Variants in ZPR1 observed in about 807,000 individuals in gnomAD.
ZPR1 encodes zinc finger protein ZPR1.
A neutral mutation model predicts 59.6 loss-of-function variants in ZPR1; 37 were observed. The ratio of observed to expected loss-of-function variants is 0.62; its 90% CI spans 0.48 to 0.82. ZPR1 has a LOEUF of 0.82. Among genes scored for constraint, ZPR1 ranks in the 40% least tolerant of loss-of-function variants. The pLI, the probability that ZPR1 is intolerant of heterozygous loss-of-function variation, is 0.00. For synonymous variants in ZPR1, 191 were observed against 215.2 expected (o/e 0.89, Z 0.99); for missense variants, 527 against 579.9 (o/e 0.91, Z 0.94).
intron 1 of ZPR1, 64 bp downstream of exon 1, chr11:116,787,756 A>T (rs900810712): frequency 2.8e-4 from 431 of 1,520,964 alleles, no homozygotes; most frequent in Non-Finnish European, 3.6e-4. Flanking sequence ...GCTGGGTCTG[A>T]CCCCCGGCTC....
chr11:116,775,627 C>CAAAAAAAAAAAAAAAAAAAAAA lies in ZPR1; in HGVS notation c.*3276_*3297dup, dbSNP rs36148817. The CAAAAAAAAAAAAAAAAAAAAAA allele has an allele frequency of 1.4e-5, 1 of 72,916 alleles. No individual in the cohort carries two copies. The highest frequency in any genetic ancestry group is 2.3e-4 in the Admixed American group (1 of 4,402). The allele number at this position is 72,916 out of a possible 1,614,324, so 4.5% of individuals were successfully genotyped here. On this transcript the variant is annotated 3_prime_UTR_variant, in exon 14 of 14. Transcript: ENST00000227322. ...TGGGCAACAGAGTGAGACTCCGTCT[C>CAAAAAAAAAAAAAAAAAAAAAA]AAAAAAAAAAAAAAAAAAAAAAAAA...
chr11:116,783,883 CT>C (rs1940847825), intron 9 of ZPR1, among the ~76,000 whole-genome samples: 1 of 142,494 alleles, frequency 7.0e-6, no homozygotes, highest in Admixed American at 6.9e-5. Flanking sequence ...AAAAAAAAGA[CT>C]TTTGGGGTTG....
Position 116,774,309 on chromosome 11 carries a change from G to C in ZPR1, c.*4616C>G. On this transcript the variant is annotated 3_prime_UTR_variant, in exon 14 of 14. Transcript: ENST00000227322. ...GCTATAGTCAACATGTTGTACATTA[G>C]ATTCCCAGAACTTGTCTTAAAACTG... 1 of 152,076 alleles carries C rather than the reference G, an allele frequency of 6.6e-6. No homozygotes were observed. The highest frequency in any genetic ancestry group is 1.9e-4 in the East Asian group (1 of 5,192). The allele number at this position is 152,076 out of a possible 1,614,324, so 9.4% of individuals were successfully genotyped here. A position where few individuals can be genotyped will look rare whatever the true frequency, so the allele number is the denominator to read the frequency against.
intron 12 of ZPR1, among the ~76,000 whole-genome samples, 186 bp from the exon 13 acceptor site, chr11:116,780,023 A>G (rs865899735): frequency 3.9e-5 from 6 of 151,948 alleles, no homozygotes; most frequent in Non-Finnish European, 8.8e-5. Context: ...GTGCACATGT[A>G]CCCTAGAACT....
Position 116,782,155 on chromosome 11 carries a change from T to C in ZPR1, c.1179+3A>G. Reference sequence around the variant, plus strand: ...AAGTACTGACTGGCCAGTGACCTCTTACCTGGTCCATCTTCTGGCTAAACT... The same window carrying C: ...AAGTACTGACTGGCCAGTGACCTCTCACCTGGTCCATCTTCTGGCTAAACT... On this transcript the variant is annotated splice_donor_region_variant and intron_variant, in intron 12 of 13. Coordinates refer to ENST00000227322, the MANE Select transcript of ZPR1 (RefSeq NM_003904.5). 1 of 1,613,754 alleles carries C rather than the reference T, an allele frequency of 6.2e-7. No individual in the cohort carries two copies.
rs1209203285 is a variant in ZPR1, at chr11:116,776,056, C to G, written c.*2869G>C. 2 of 152,268 alleles carry G rather than the reference C, an allele frequency of 1.3e-5. No homozygotes were observed. The highest frequency in any genetic ancestry group is 2.9e-5 in the Non-Finnish European group (2 of 68,052). 9.4% of individuals were successfully genotyped at this position (152,268 alleles called of 1,614,324 possible). A position where few individuals can be genotyped will look rare whatever the true frequency, so the allele number is the denominator to read the frequency against. ...TAAAGTTTTCAGTTGGCCAAGTCAA[C>G]TGCCCTTCATACTTGCTCCCAACAC... On this transcript the variant is annotated 3_prime_UTR_variant, in exon 14 of 14. Transcript: ENST00000227322.
At chr11:116,787,792 G>T in intron 1 of ZPR1, 28 bp downstream of exon 1, 1 of 1,535,794 alleles carries the variant, frequency 6.5e-7, no homozygotes. Context: ...CTACCCACCC[G>T]CCGCTCGCGG....
rs1940732456 is a variant in ZPR1, at chr11:116,777,013, C to G, written c.*1912G>C. 1 of 152,222 alleles carries G rather than the reference C, an allele frequency of 6.6e-6. No homozygotes were observed. Among genetic ancestry groups the G allele is most frequent in the Non-Finnish European group, 1.5e-5 (1 of 68,036 alleles). The allele number at this position is 152,222 out of a possible 1,614,324, so 9.4% of individuals were successfully genotyped here. A position where few individuals can be genotyped will look rare whatever the true frequency, so the allele number is the denominator to read the frequency against. ...TCTCCAAACACCTTACTCTCGCCCT[C>G]ACTTACAGAAATTAGAGATACAGGT... On this transcript the variant is annotated 3_prime_UTR_variant, in exon 14 of 14. Coordinates refer to ENST00000227322, the MANE Select transcript of ZPR1 (RefSeq NM_003904.5).
In ZPR1 at chr11:116,777,663, CA is replaced by C. The variant is rs10557251; in HGVS notation, c.*1261del. 50,348 of 130,668 alleles carry C rather than the reference CA, an allele frequency of 0.39. 9,527 individuals are homozygous for C. The highest frequency in any genetic ancestry group is 0.47 in the Non-Finnish European group (28,873 of 60,844). The allele number at this position is 130,668 out of a possible 1,614,324, so 8.1% of individuals were successfully genotyped here. ...CAACAGCGCGAGACTCTGTCTCTAC[CA>C]AAAAAAAAAAAAAAAAAAGTTTGCA... is the stretch of plus-strand genomic sequence containing the variant. On this transcript the variant is annotated 3_prime_UTR_variant, in exon 14 of 14. Coordinates refer to ENST00000227322, the MANE Select transcript of ZPR1 (RefSeq NM_003904.5).
In ZPR1 at chr11:116,779,848, G is replaced by C. The variant is rs775421796; in HGVS notation, c.1180-11C>G. 1.1e-5 allele frequency: 17 copies of C among 1,486,550 alleles called. No homozygotes were observed. Among genetic ancestry groups the C allele is most frequent in the Middle Eastern group, 3.6e-4 (2 of 5,520 alleles). The allele number at this position is 1,486,550 out of a possible 1,614,324, so 92.1% of individuals were successfully genotyped here. On this transcript the variant is annotated splice_polypyrimidine_tract_variant and intron_variant, in intron 12 of 13. Transcript: ENST00000227322. ...GTTACCTTCGATGATCTAAAGGAGA[G>C]AGAGAACACAGCAAGTAAATTTTAC...
chr11:116,787,985 C>A lies in ZPR1; in HGVS notation c.6G>T (p.Ala2=), dbSNP rs756497775. ...GCCCTGGTTCCACAGCCCCGCTGGC[C>A]GCCATGGCCACCACGCGCAATTCAG... The part of the protein sequence containing the change: M[A]ASGAVEPGPP... The change falls in exon 1 of 14, where the codon GCG becomes GCT. Residue 2 remains alanine (A), a synonymous_variant. Coordinates refer to ENST00000227322, the MANE Select transcript of ZPR1 (RefSeq NM_003904.5). 7.0e-7 allele frequency: 1 copy of A among 1,426,054 alleles called. No individual in the cohort carries two copies. The highest frequency in any genetic ancestry group is 1.5e-5 in the South Asian group (1 of 66,348). The allele number at this position is 1,426,054 out of a possible 1,614,324, so 88.3% of individuals were successfully genotyped here.
chr11:116,778,856 T>C lies in ZPR1; in HGVS notation c.*69A>G. 6.4e-7 allele frequency: 1 copy of C among 1,564,770 alleles called. No homozygotes were observed. The highest frequency in any genetic ancestry group is 8.6e-7 in the Non-Finnish European group (1 of 1,158,332). On this transcript the variant is annotated 3_prime_UTR_variant, in exon 14 of 14. Transcript: ENST00000227322. ...GGGAAAGACACTCCCAGCCTTCGCC[T>C]TCATCCAATACTAATAAATAACCTA... is the stretch of plus-strand genomic sequence containing the variant.
chr11:116,785,748 G>A, intron 5 of ZPR1, 48 bp downstream of exon 5: 1 of 1,610,726 alleles, frequency 6.2e-7, no homozygotes, highest in Non-Finnish European at 8.5e-7. Flanking sequence ...CAGTCTTAAT[G>A]GTCCCTCCTC....
chr11:116,784,525 C>T, intron 8 of ZPR1, 77 bp from the exon 9 acceptor site: 1 of 1,353,340 alleles, frequency 7.4e-7, no homozygotes, highest in Non-Finnish European at 1.1e-6. Context: ...CCAAACCCCA[C>T]ACAAACATAT....
At position 116,784,408 on chromosome 11, in the gene ZPR1, G is replaced by GT. The variant is rs1194541035; in HGVS notation, c.860dup (p.Asn287LysfsTer11). 1 of 1,614,166 alleles carries GT rather than the reference G, an allele frequency of 6.2e-7. No individual in the cohort carries two copies. Among genetic ancestry groups the GT allele is most frequent in the South Asian group, 1.1e-5 (1 of 91,086 alleles). On this transcript the variant is annotated frameshift_variant, in exon 9 of 14. Coordinates refer to ENST00000227322, the MANE Select transcript of ZPR1 (RefSeq NM_003904.5). LOFTEE classifies it high-confidence loss of function. The stretch of plus-strand genomic sequence containing the variant: ...TGGTCCGATGCCCACAGTTCTCGCA[G>GT]TTGGTAGCCATGATGATAACCTCCT...
rs113350452 is a variant in ZPR1 at position 116,786,486 on chromosome 11, C to G, written c.495+25G>C. The G allele has an allele frequency of 2.7e-4, 436 of 1,614,054 alleles. 1 individual carries two copies. In the African/African-American group the frequency reaches 4.8e-3, roughly 18 times the overall value. ...ATATAAGCAATTATTCCTTGAGCTG[C>G]TACAATCAGAAAACCCCAGCTTACC... On this transcript the variant is annotated intron_variant, in intron 4 of 13. Transcript: ENST00000227322.
In ZPR1 at chr11:116,785,048, G is replaced by A. The variant is rs377173654; in HGVS notation, c.753+51C>T. On this transcript the variant is annotated intron_variant, in intron 7 of 13. Transcript: ENST00000227322. Reference sequence around the variant, plus strand: ...GGAAGACAGATGCTGAACAGCATCAGTCTCAGCCCACAACTCTGCTCCTTC... The same window carrying A: ...GGAAGACAGATGCTGAACAGCATCAATCTCAGCCCACAACTCTGCTCCTTC... 23 of 1,609,984 alleles carry A rather than the reference G, an allele frequency of 1.4e-5. No individual in the cohort carries two copies. The African/African-American group carries it at 2.7e-4, about 19-fold the overall frequency.
chr11:116,782,469 G>C lies in ZPR1; in HGVS notation c.1093-225C>G, dbSNP rs78359532. On this transcript the variant is annotated intron_variant, in intron 11 of 13. Transcript: ENST00000227322. ...AAAACAAAATCGAAACATGTTCTTA[G>C]AATATGATCTCTGATACTAATTTGG... Among the ~76,000 whole-genome samples, 1,453 of 152,272 alleles carry C rather than the reference G, an allele frequency of 9.5e-3. 15 individuals are homozygous for C. Among genetic ancestry groups the C allele is most frequent in the Non-Finnish European group, 0.016 (1,092 of 68,024 alleles).
chr11:116,775,659 A>AAAAAAAAAAC lies in ZPR1; in HGVS notation c.*3265_*3266insGTTTTTTTTT, dbSNP rs1940713894. ...AAAAAAAAAAAAAAAAAAAAAAAAA[A>AAAAAAAAAAC]AAAGCTCTGCTTCCTTCTGGAAGTA... is the stretch of plus-strand genomic sequence containing the variant. On this transcript the variant is annotated 3_prime_UTR_variant, in exon 14 of 14. Coordinates refer to ENST00000227322, the MANE Select transcript of ZPR1 (RefSeq NM_003904.5). 1 of 148,524 alleles carries AAAAAAAAAAC rather than the reference A, an allele frequency of 6.7e-6. No individual in the cohort carries two copies. 9.2% of individuals were successfully genotyped at this position (148,524 alleles called of 1,614,324 possible). A position where few individuals can be genotyped will look rare whatever the true frequency, so the allele number is the denominator to read the frequency against.
Sources: gnomAD v4.1 joint callset for allele counts (sites outside exome capture counted in the v4.1 genomes callset) on GRCh38, gnomAD v4.1.1 for gene constraint, MANE v1.5 for transcripts, NCBI Gene and HGNC (gene_info 2026-07-23, HGNC 2026-07-21) for gene names.